Variants in FGF14 observed in about 807,000 individuals in gnomAD.
FGF14 encodes the protein fibroblast growth factor homologous factor 4.
Under a neutral mutation model 25.5 loss-of-function variants are expected in FGF14, and 5 were observed. That is an observed-to-expected ratio of 0.20 (90% CI 0.10 to 0.41). The LOEUF is 0.41. FGF14 is among the 10% of genes least tolerant of loss of function. FGF14 has a pLI of 1.00. For missense variants in FGF14, 222 were observed against 320.1 expected (o/e 0.69, Z 2.34); for synonymous variants, 138 against 118.3 (o/e 1.17, Z -1.08).
intron 1 of FGF14, among the ~76,000 whole-genome samples, chr13:102,073,310 A>G (rs1227514665): frequency 6.6e-6 from 1 of 152,188 alleles, no homozygotes; most frequent in Non-Finnish European, 1.5e-5. Flanking sequence ...GATGGGCAGC[A>G]CATTGTTGCA....
Position 101,722,666 on chromosome 13 carries a change from C to G in FGF14, c.*165G>C. On this transcript the variant is annotated 3_prime_UTR_variant, in exon 5 of 5. Coordinates refer to ENST00000376143, the MANE Select transcript of FGF14 (RefSeq NM_004115.4). Reference sequence around the variant, plus strand: ...TGTCTTCTTGTTGTGGGGGGTGCAACAGGTTGAGATTTATCCACTTGCAAC... The same window carrying G: ...TGTCTTCTTGTTGTGGGGGGTGCAAGAGGTTGAGATTTATCCACTTGCAAC... 5.7e-6 allele frequency: 5 copies of G among 881,756 alleles called. No homozygotes were observed. Among genetic ancestry groups the G allele is most frequent in the Non-Finnish European group, 8.9e-6 (5 of 562,900 alleles). 54.6% of individuals were successfully genotyped at this position (881,756 alleles called of 1,614,324 possible).
intron 4 of FGF14, 65 bp from the exon 5 acceptor site, chr13:101,723,032 TC>T: frequency 2.5e-6 from 4 of 1,591,962 alleles, no homozygotes; most frequent in Non-Finnish European, 3.4e-6. Context: ...GAATGGTCCA[TC>T]CATACCTGCA....
chr13:102,275,262 T>TCTTTCTCTCTC (rs1555391875), intron 1 of FGF14, among the ~76,000 whole-genome samples: 3 of 68,914 alleles, frequency 4.4e-5, no homozygotes, highest in African/African-American at 1.5e-4. Flanking sequence ...CTCTCTCTCT[T>TCTTTCTCTCTC]TCTCTCTCTC....
chr13:101,940,287 C>T (rs114650818), intron 1 of FGF14, among the ~76,000 whole-genome samples: 21 of 152,290 alleles, frequency 1.4e-4, no homozygotes, highest in African/African-American at 4.6e-4. Context: ...CAAAAGAGGT[C>T]ACCTCTTCCT....
In FGF14 at chr13:102,344,353, T is replaced by C. The variant is rs538150861; in HGVS notation, c.208+57118A>G. ...AAAGAACCCTACAAAACCTATTAGC[T>C]ATTGAGATTATAATACGTGTTGCTT... On this transcript the variant is annotated intron_variant, in intron 1 of 4. Transcript: ENST00000376131. 2.6e-5 allele frequency among the ~76,000 whole-genome samples: 4 copies of C among 152,338 alleles called. No homozygotes were observed. In the South Asian group the frequency reaches 8.3e-4, roughly 32 times the overall value.
chr13:101,989,471 A>G (rs2038779758), intron 1 of FGF14, among the ~76,000 whole-genome samples: 1 of 152,126 alleles, frequency 6.6e-6, no homozygotes, highest in African/African-American at 2.4e-5. Context: ...TACCTCATAA[A>G]TACTGTACTA....
intron 1 of FGF14, among the ~76,000 whole-genome samples, chr13:101,908,228 C>T (rs1043273292): frequency 6.6e-6 from 1 of 152,124 alleles, no homozygotes; most frequent in Non-Finnish European, 1.5e-5. Flanking sequence ...TTTTCTTCAG[C>T]CAAATTCAGC....
At chr13:101,937,929 G>T (rs954389555) in intron 1 of FGF14, among the ~76,000 whole-genome samples, 1 of 152,068 alleles carries the variant, frequency 6.6e-6, no homozygotes, top group African/African-American at 2.4e-5. Context: ...CCAGTCTGTG[G>T]TATTTTCTTA....
At chr13:101,814,821 G>C (rs1395972614) in intron 3 of FGF14, among the ~76,000 whole-genome samples, 1 of 152,134 alleles carries the variant, frequency 6.6e-6, no homozygotes, top group Non-Finnish European at 1.5e-5. Context: ...GTTGTTTCCA[G>C]TGTTGGGCTT....
intron 1 of FGF14, among the ~76,000 whole-genome samples, chr13:101,876,078 G>A (rs977000756): frequency 2.0e-5 from 3 of 152,132 alleles, no homozygotes; most frequent in African/African-American, 7.2e-5. Context: ...TTGTCAACGG[G>A]CATTGAGATA....
chr13:102,228,066 T>G (rs1302689485), intron 1 of FGF14, among the ~76,000 whole-genome samples: 1 of 152,226 alleles, frequency 6.6e-6, no homozygotes, highest in Non-Finnish European at 1.5e-5. Context: ...GACCAACATT[T>G]TCTTTCATGT....
intron 1 of FGF14, among the ~76,000 whole-genome samples, chr13:102,155,669 G>A (rs1358740904): frequency 6.6e-6 from 1 of 151,970 alleles, no homozygotes; most frequent in African/African-American, 2.4e-5. Flanking sequence ...GATCAGAGCA[G>A]AACTGAAGGA....
chr13:101,945,468 T>C (rs4267177), intron 1 of FGF14, among the ~76,000 whole-genome samples: 20,182 of 152,256 alleles, frequency 0.13, 1,497 homozygotes, highest in East Asian at 0.2. Flanking sequence ...GTTAGAACAG[T>C]TAGCCATACA....
At chr13:101,806,841 G>A (rs1394590465) in intron 3 of FGF14, among the ~76,000 whole-genome samples, 1 of 152,102 alleles carries the variant, frequency 6.6e-6, no homozygotes, top group Non-Finnish European at 1.5e-5. Flanking sequence ...TGTTTGGGGA[G>A]TAAAGACTAT....
At chr13:101,993,310 A>AT (rs1204456542) in intron 1 of FGF14, among the ~76,000 whole-genome samples, 7 of 152,066 alleles carry the variant, frequency 4.6e-5, no homozygotes, top group South Asian at 2.1e-4. Context: ...AAACAAGGAA[A>AT]TTTTTTTGCC....
At chr13:102,061,088 C>A (rs916215367) in intron 1 of FGF14, among the ~76,000 whole-genome samples, 1 of 152,200 alleles carries the variant, frequency 6.6e-6, no homozygotes, top group Admixed American at 6.5e-5. Flanking sequence ...CCCATGCTGG[C>A]TCCACATCCA....
At chr13:101,803,991 G>A (rs1357447788) in intron 3 of FGF14, among the ~76,000 whole-genome samples, 3 of 151,960 alleles carry the variant, frequency 2.0e-5, no homozygotes, top group Non-Finnish European at 2.9e-5. Context: ...GGTGTGTGAG[G>A]CTGGAAAGGG....
Position 102,298,327 on chromosome 13 carries a change from G to A in FGF14, c.208+103144C>T, listed in dbSNP as rs117505179. 1.9e-3 allele frequency among the ~76,000 whole-genome samples: 289 copies of A among 152,194 alleles called. 9 individuals are homozygous for A. In the East Asian group the frequency reaches 0.045, roughly 23 times the overall value. ...TTCAACCCTAATCAAAGAACACAGG[G>A]TGGAGCTATCTCAAAGTACTGATGA... On this transcript the variant is annotated intron_variant, in intron 1 of 4. Coordinates refer to the FGF14 transcript ENST00000376131.
intron 1 of FGF14, chr13:102,354,261 C>A (rs1209619745): frequency 1.3e-5 from 2 of 152,188 alleles, no homozygotes; most frequent in Non-Finnish European, 2.9e-5. Flanking sequence ...CATCCCTCTG[C>A]TCATCTGAGG....
Sources: gnomAD v4.1 joint callset for allele counts (sites outside exome capture counted in the v4.1 genomes callset) on GRCh38, gnomAD v4.1.1 for gene constraint, MANE v1.5 for transcripts, NCBI Gene and HGNC (gene_info 2026-07-23, HGNC 2026-07-21) for gene names.